The following RPL10A variants were observed in gnomAD, a reference collection of about 807,000 sequenced individuals.
RPL10A encodes large ribosomal subunit protein uL1.
In RPL10A, 11 loss-of-function variants were observed where a neutral mutation model predicts 24.6. The ratio of observed to expected loss-of-function variants is 0.45; its 90% CI spans 0.28 to 0.74. RPL10A has a LOEUF of 0.74. Ranked by LOEUF, RPL10A falls within the 30% of genes least tolerant of loss-of-function variation. The pLI is 0.13. For synonymous variants in RPL10A, 98 were observed against 108.5 expected (o/e 0.90, Z 0.60); for missense variants, 136 against 273.1 (o/e 0.50, Z 3.54).
Position 35,470,370 on chromosome 6 carries a change from T to G in RPL10A, c.483+19T>G. 1 of 1,596,374 alleles carries G rather than the reference T, an allele frequency of 6.3e-7. No individual in the cohort carries two copies. Among genetic ancestry groups the G allele is most frequent in the Non-Finnish European group, 8.5e-7 (1 of 1,175,620 alleles). ...GAAGAAGGTGAGTGGGTCTGGCGGGTTGCTATGGGTGAAGGTGTTGGCAGG... is the reference window on the plus strand; with the variant it reads ...GAAGAAGGTGAGTGGGTCTGGCGGGGTGCTATGGGTGAAGGTGTTGGCAGG... On this transcript the variant is annotated intron_variant, in intron 5 of 5. Transcript: ENST00000322203. The surrounding 1 kb of genome is among the most constrained non-coding windows in gnomAD (Gnocchi z 4.6).
intron 4 of RPL10A, among the ~76,000 whole-genome samples, chr6:35,469,887 G>A (rs993287777): frequency 6.6e-6 from 1 of 152,138 alleles, no homozygotes; most frequent in African/African-American, 2.4e-5. Context: ...CTAAGAAATA[G>A]GCAGAATTCG....
intron 3 of RPL10A, 137 bp downstream of exon 3, chr6:35,469,164 G>T (rs1444912180): frequency 6.8e-7 from 1 of 1,474,370 alleles, no homozygotes; most frequent in African/African-American, 1.4e-5. Flanking sequence ...CCGGGCAGGC[G>T]CGGCTGGACG....
chr6:35,470,163 T>C lies in RPL10A; in HGVS notation c.311-16T>C. 1 of 1,608,884 alleles carries C rather than the reference T, an allele frequency of 6.2e-7. No individual in the cohort carries two copies. The highest frequency in any genetic ancestry group is 8.5e-7 in the Non-Finnish European group (1 of 1,176,076). Reference sequence around the variant, plus strand: ...CCAGGTTCTAAGCAATGCCAATGGCTTCCTCTCTCTATCAGCCAAGAAGTA... The same window carrying C: ...CCAGGTTCTAAGCAATGCCAATGGCCTCCTCTCTCTATCAGCCAAGAAGTA... On this transcript the variant is annotated splice_polypyrimidine_tract_variant and intron_variant, in intron 4 of 5. Transcript: ENST00000322203. This position sits in a 1 kb window ranked among gnomAD's most constrained non-coding sequence, Gnocchi z 4.6.
chr6:35,468,450 C>CCTGAAAG lies in RPL10A; in HGVS notation c.5+13_5+19dup, dbSNP rs1767907491. On this transcript the variant is annotated intron_variant, in intron 1 of 5. Transcript: ENST00000322203. ...GTGAGAAGCCATGAGGTGAGTTGGTCCTGAAAGCCCTATCCGCGTTCATCC... is the reference window on the plus strand; with the variant it reads ...GTGAGAAGCCATGAGGTGAGTTGGTCCTGAAAGCTGAAAGCCCTATCCGCGTTCATCC... 2.5e-6 allele frequency: 4 copies of CCTGAAAG among 1,613,916 alleles called. No homozygotes were observed. Among genetic ancestry groups the CCTGAAAG allele is most frequent in the Non-Finnish European group, 3.4e-6 (4 of 1,179,922 alleles).
Position 35,470,117 on chromosome 6 carries a change from A to AT in RPL10A, c.311-59dup. The AT allele has an allele frequency of 6.6e-7, 1 of 1,524,978 alleles. No individual in the cohort carries two copies. Among genetic ancestry groups the AT allele is most frequent in the Non-Finnish European group, 9.0e-7 (1 of 1,114,848 alleles). The allele number at this position is 1,524,978 out of a possible 1,614,324, so 94.5% of individuals were successfully genotyped here. On this transcript the variant is annotated intron_variant, in intron 4 of 5. Transcript: ENST00000322203. The surrounding 1 kb of genome is among the most constrained non-coding windows in gnomAD (Gnocchi z 4.6). ...TTCAAGTGCGTTTCTGGCCTGCCAC[A>AT]TTTGAGGTGTGCCTTGGTGACCAGG... is the stretch of plus-strand genomic sequence containing the variant.
rs781413468 is a variant in RPL10A at position 35,469,565 on chromosome 6, T to A, written c.310+36T>A. 1.1e-5 allele frequency: 17 copies of A among 1,601,208 alleles called. No homozygotes were observed. The South Asian group carries it at 1.8e-4, about 17-fold the overall frequency. On this transcript the variant is annotated intron_variant, in intron 4 of 5. Coordinates refer to ENST00000322203, the MANE Select transcript of RPL10A (RefSeq NM_007104.5). ...CCGCTGTGGTTTTGCATGTGAGATGTGTGGTGGGGGCGGTAGAAAGGCTTT... is the reference window on the plus strand; with the variant it reads ...CCGCTGTGGTTTTGCATGTGAGATGAGTGGTGGGGGCGGTAGAAAGGCTTT...
In RPL10A at chr6:35,468,527, A is replaced by C. The variant is rs940706581; in HGVS notation, c.5+88A>C. ...TCGGATCCTGTAGGCCGCGCCGCGG[A>C]CCCTTGCGCCACCTGCGCCGCGGGG... On this transcript the variant is annotated intron_variant, in intron 1 of 5. Transcript: ENST00000322203. The C allele has an allele frequency of 3.1e-6, 5 of 1,609,474 alleles. No homozygotes were observed. In the Admixed American group the frequency reaches 6.7e-5, roughly 22 times the overall value.
rs528529879 is a variant in RPL10A, at chr6:35,468,487, TGCCCCGCCGAGGGTTCGGATCCTGTAG to T, written c.5+52_5+78del. On this transcript the variant is annotated intron_variant, in intron 1 of 5. Coordinates refer to ENST00000322203, the MANE Select transcript of RPL10A (RefSeq NM_007104.5). ...ATCCGCGTTCATCCGCGCCTTCAGG[TGCCCCGCCGAGGGTTCGGATCCTGTAG>T]GCCGCGCCGCGGACCCTTGCGCCAC... The T allele has an allele frequency of 4.9e-4, 789 of 1,613,498 alleles. 5 individuals are homozygous for T. The African/African-American group carries it at 9.1e-3, about 19-fold the overall frequency.
rs1581715661 is a variant in RPL10A at position 35,468,833 on chromosome 6, G to A, written c.40G>A (p.Val14Met). Residue 14 changes from valine to methionine, a missense_variant, in exon 2 of 6, where the codon GTG becomes ATG. Physicochemically the swap from Val to Met is conservative, Grantham distance 21. Around this residue, in one of 3 missense-constraint regions of RPL10A, gnomAD observed 88 missense variants for 149.2 expected, o/e 0.59. Coordinates refer to ENST00000322203, the MANE Select transcript of RPL10A (RefSeq NM_007104.5). ...KVSRDTLYEA[V>M]REVLHGNQRK... The stretch of plus-strand genomic sequence containing the variant: ...CTCTCGCGACACCCTGTACGAGGCG[G>A]TGCGGGAAGTCCTGCACGGGAACCA... 6.2e-7 allele frequency: 1 copy of A among 1,610,794 alleles called. No individual in the cohort carries two copies. The highest frequency in any genetic ancestry group is 1.3e-5 in the African/African-American group (1 of 74,988).
rs1767978401 is a variant in RPL10A at position 35,469,507 on chromosome 6, T to TA, written c.294dup (p.Leu99ThrfsTer10). The TA allele has an allele frequency of 1.2e-6, 2 of 1,613,730 alleles. No homozygotes were observed. Among genetic ancestry groups the TA allele is most frequent in the Admixed American group, 1.7e-5 (1 of 59,936 alleles). On this transcript the variant is annotated frameshift_variant, in exon 4 of 6. Transcript: ENST00000322203. LOFTEE classifies it high-confidence loss of function. ...AGGCGCTGAAAAAACTCAACAAGAATAAAAAACTGGTCAAGAAGCTGGGTG... is the reference window on the plus strand; with the variant it reads ...AGGCGCTGAAAAAACTCAACAAGAATAAAAAAACTGGTCAAGAAGCTGGGTG...
chr6:35,469,412 G>C lies in RPL10A; in HGVS notation c.193G>C (p.Val65Leu). ...LKSTPRPKFS[V>L]CVLGDQQHCD... ...GTCCACTCCCCGCCCTAAGTTCTCTGTGTGTGTCCTGGGGGACCAGCAGCA... is the reference window on the plus strand; with the variant it reads ...GTCCACTCCCCGCCCTAAGTTCTCTCTGTGTGTCCTGGGGGACCAGCAGCA... Residue 65 changes from valine to leucine, a missense_variant, in exon 4 of 6, where the codon GTG (valine) becomes CTG (leucine). Physicochemically the swap from Val to Leu is conservative, Grantham distance 32. Transcript: ENST00000322203. 1 of 1,612,230 alleles carries C rather than the reference G, an allele frequency of 6.2e-7. No homozygotes were observed.
Position 35,468,944 on chromosome 6 carries a change from A to C in RPL10A, c.81-3A>C. The C allele has an allele frequency of 6.2e-7, 1 of 1,613,806 alleles. No homozygotes were observed. The highest frequency in any genetic ancestry group is 8.5e-7 in the Non-Finnish European group (1 of 1,179,880). On this transcript the variant is annotated splice_region_variant and splice_polypyrimidine_tract_variant and intron_variant, in intron 2 of 5. Coordinates refer to ENST00000322203, the MANE Select transcript of RPL10A (RefSeq NM_007104.5). ...GGTGCTTAACCCCCCTCCTCTCTCG[A>C]AGGTTCCTGGAGACGGTGGAGTTGC...
rs778114579 is a variant in RPL10A at position 35,468,927 on chromosome 6, AC to A, written c.81-14del. The stretch of plus-strand genomic sequence containing the variant: ...GGTGGCGAGGGCCGGCGGGTGCTTA[AC>A]CCCCCTCCTCTCTCGAAGGTTCCTG... On this transcript the variant is annotated intron_variant, in intron 2 of 5. Transcript: ENST00000322203. 1.2e-6 allele frequency: 2 copies of A among 1,613,414 alleles called. No homozygotes were observed. The highest frequency in any genetic ancestry group is 1.7e-6 in the Non-Finnish European group (2 of 1,179,746).
At position 35,470,306 on chromosome 6, in the gene RPL10A, C is replaced by T; in HGVS notation, c.438C>T (p.Ala146=). ...TCACACACAACGAAAACATGGTGGC[C>T]AAAGTGGATGAGGTGAAGTCCACAA... The part of the protein sequence containing the change: ...SLLTHNENMV[A]KVDEVKSTIK... Residue 146 remains alanine, a synonymous_variant, in exon 5 of 6, where the codon GCC becomes GCT. Coordinates refer to ENST00000322203, the MANE Select transcript of RPL10A (RefSeq NM_007104.5). The surrounding 1 kb of genome is among the most constrained non-coding windows in gnomAD (Gnocchi z 4.6). 6.2e-7 allele frequency: 1 copy of T among 1,604,456 alleles called. No homozygotes were observed. Among genetic ancestry groups the T allele is most frequent in the Non-Finnish European group, 8.5e-7 (1 of 1,179,790 alleles).
chr6:35,468,475 C>A (rs568784156), intron 1 of RPL10A, 36 bp downstream of exon 1: 1 of 1,613,832 alleles, frequency 6.2e-7, no homozygotes, highest in South Asian at 1.1e-5. Flanking sequence ...CGCGTTCATC[C>A]GCGCCTTCAG....
chr6:35,468,498 G>A (rs567383858), intron 1 of RPL10A, 59 bp downstream of exon 1: 2 of 1,611,396 alleles, frequency 1.2e-6, no homozygotes, highest in East Asian at 2.2e-5. Context: ...GCCCCGCCGA[G>A]GGTTCGGATC....
intron 1 of RPL10A, 89 bp downstream of exon 1, chr6:35,468,528 C>A: frequency 6.2e-7 from 1 of 1,610,344 alleles, no homozygotes; most frequent in South Asian, 1.1e-5. Context: ...GCGCCGCGGA[C>A]CCTTGCGCCA....
intron 1 of RPL10A, 135 bp downstream of exon 1, chr6:35,468,574 C>T: frequency 6.3e-7 from 1 of 1,584,526 alleles, no homozygotes; most frequent in South Asian, 1.1e-5. Flanking sequence ...GCGGGTCGGC[C>T]TGCGGGTCGC....
chr6:35,470,136 G>A lies in RPL10A; in HGVS notation c.311-43G>A, dbSNP rs771628949. 2 of 1,583,642 alleles carry A rather than the reference G, an allele frequency of 1.3e-6. No individual in the cohort carries two copies. Among genetic ancestry groups the A allele is most frequent in the South Asian group, 1.1e-5 (1 of 87,996 alleles). The stretch of plus-strand genomic sequence containing the variant: ...TGCCACATTTGAGGTGTGCCTTGGT[G>A]ACCAGGTTCTAAGCAATGCCAATGG... On this transcript the variant is annotated intron_variant, in intron 4 of 5. Transcript: ENST00000322203. The surrounding 1 kb of genome is among the most constrained non-coding windows in gnomAD (Gnocchi z 4.6).
Sources: allele counts gnomAD v4.1 joint callset (sites outside exome capture counted in the v4.1 genomes callset), GRCh38; gene constraint gnomAD v4.1.1; regional missense constraint gnomAD v4.1.1; non-coding constraint Gnocchi (gnomAD v3.1); transcripts MANE v1.5; gene names NCBI Gene and HGNC (gene_info 2026-07-23, HGNC 2026-07-21).